NUBP2: variants seen among roughly 807,000 people sequenced by gnomAD.
The protein encoded by NUBP2 is NUBP iron-sulfur cluster assembly factor 2, cytosolic.
Under a neutral mutation model 24.9 loss-of-function variants are expected in NUBP2, and 23 were observed. That is an observed-to-expected ratio of 0.92 (90% CI 0.66 to 1.31). The LOEUF (loss-of-function observed/expected upper bound fraction) is 1.31. Ranked by LOEUF, NUBP2 falls within the 50% of genes most tolerant of loss-of-function variation. NUBP2 has a pLI of 0.00. For missense variants in NUBP2, 403 were observed against 386.5 expected, an observed-to-expected ratio of 1.04 and a Z score of -0.36; for synonymous variants, 186 against 170.9, an observed-to-expected ratio of 1.09 and a Z score of -0.69.
chr16:1,785,225 C>T (rs150996255), intron 1 of NUBP2: 16 of 1,012,392 alleles, frequency 1.6e-5, no homozygotes, highest in South Asian at 7.9e-5. Flanking sequence ...CTGCCCCACC[C>T]GGCAGGCTCA....
In NUBP2 at chr16:1,788,380, GC is replaced by G. The variant is rs528534975; in HGVS notation, c.670+176del. Among the ~76,000 whole-genome samples, 379 of 152,282 alleles carry G rather than the reference GC, an allele frequency of 2.5e-3. 7 individuals carry two copies. Among genetic ancestry groups the G allele is most frequent in the Non-Finnish European group, 5.6e-4 (38 of 68,006 alleles). On this transcript the variant is annotated intron_variant, in intron 6 of 6. Coordinates refer to ENST00000262302, the MANE Select transcript of NUBP2 (RefSeq NM_012225.4). Reference sequence around the variant, plus strand: ...TGAGACCTGCAGGTCATTCGCCCGCGCCCTTCTCAGGGCCCTCTCGGGTGGC... The same window carrying G: ...TGAGACCTGCAGGTCATTCGCCCGCGCCTTCTCAGGGCCCTCTCGGGTGGC...
At position 1,786,642 on chromosome 16, in the gene NUBP2, A is replaced by T; in HGVS notation, c.122A>T (p.His41Leu). Reference protein sequence around the residue: ...ISTELALALRHAGKKVGILDV... With the variant: ...ISTELALALRLAGKKVGILDV... ...ACGGAGCTGGCCCTGGCACTGCGCC[A>T]TGCAGGCAAGAAGGTGAGCGCCCTA... Residue 41 changes from histidine (H) to leucine (L), a missense_variant, in exon 2 of 7, where the codon CAT (histidine) becomes CTT (leucine). Physicochemically the swap from His to Leu is moderately conservative, Grantham distance 99. Transcript: ENST00000262302. 1 of 1,612,776 alleles carries T rather than the reference A, an allele frequency of 6.2e-7. No individual in the cohort carries two copies. Among genetic ancestry groups the T allele is most frequent in the South Asian group, 1.1e-5 (1 of 91,090 alleles).
chr16:1,788,796 T>G lies in NUBP2; in HGVS notation c.*82T>G. 1.4e-6 allele frequency: 2 copies of G among 1,473,120 alleles called. No individual in the cohort carries two copies. The highest frequency in any genetic ancestry group is 1.8e-6 in the Non-Finnish European group (2 of 1,107,388). The allele number at this position is 1,473,120 out of a possible 1,614,324, so 91.3% of individuals were successfully genotyped here. ...CAGAGAAACAGAGGCCTGGGCTCGG[T>G]TCCCGGGCCCTGCAGGGGCAGGCCC... On this transcript the variant is annotated 3_prime_UTR_variant, in exon 7 of 7. Coordinates refer to ENST00000262302, the MANE Select transcript of NUBP2 (RefSeq NM_012225.4).
chr16:1,783,815 TCCCGAGTAGCTGTGACTACAGGCG>T (rs2141997959), intron 1 of NUBP2: 1 of 172,384 alleles, frequency 5.8e-6, no homozygotes, highest in East Asian at 1.9e-4. Context: ...TGCCGCAGCC[TCCCGAGTAGCTGTGACTACAGGCG>T]CCCGCCACCA....
At chr16:1,783,643 C>G (rs1307670448) in intron 1 of NUBP2, 3 of 309,150 alleles carry the variant, frequency 9.7e-6, no homozygotes, top group East Asian at 1.7e-4. Context: ...GAAAACATTC[C>G]TCGGACAGCA....
rs777001626 is a variant in NUBP2 at position 1,788,681 on chromosome 16, G to A, written c.783G>A (p.Lys261=). 2 of 1,612,286 alleles carry A rather than the reference G, an allele frequency of 1.2e-6. No individual in the cohort carries two copies. Among genetic ancestry groups the A allele is most frequent in the Non-Finnish European group, 1.7e-6 (2 of 1,179,762 alleles). ...AFAALTSIAQ[K]ILDATPACLP ...CTGCACTCACCTCCATAGCCCAGAA[G>A]ATTCTGGACGCGACGCCCGCGTGCC... Residue 261 remains lysine (K), a synonymous_variant, in exon 7 of 7, where the codon AAG becomes AAA. Transcript: ENST00000262302.
chr16:1,785,218 C>T, intron 1 of NUBP2: 1 of 1,010,502 alleles, frequency 9.9e-7, no homozygotes, highest in Non-Finnish European at 1.2e-6. Flanking sequence ...AGCCCCACTG[C>T]CCCACCCGGC....
intron 3 of NUBP2, 121 bp from the exon 4 acceptor site, chr16:1,787,556 G>A: frequency 7.5e-7 from 1 of 1,324,676 alleles, no homozygotes; most frequent in African/African-American, 1.4e-5. Context: ...ATGGAGGCTG[G>A]TGGCAAGTGA....
chr16:1,783,320 C>T, intron 1 of NUBP2: 10 of 1,120,032 alleles, frequency 8.9e-6, no homozygotes, highest in Non-Finnish European at 1.1e-5. Context: ...TGTAGGCGGG[C>T]GCGGTGGCGC....
intron 6 of NUBP2, 70 bp from the exon 7 acceptor site, chr16:1,788,499 C>A: frequency 6.7e-7 from 1 of 1,493,958 alleles, no homozygotes; most frequent in Non-Finnish European, 8.9e-7. Flanking sequence ...GGTTCGGGTG[C>A]GTCCAGCTGA....
chr16:1,786,298 C>T (rs1304723040), intron 1 of NUBP2: 5 of 544,442 alleles, frequency 9.2e-6, no homozygotes, highest in South Asian at 2.5e-5. Context: ...TCAGCAGCGC[C>T]GCCTCAGGCA....
At chr16:1,787,374 T>C (rs1042571740) in intron 3 of NUBP2, 35 of 475,426 alleles carry the variant, frequency 7.4e-5, no homozygotes, top group African/African-American at 6.2e-4. Context: ...GGTGCTCCCA[T>C]GTGTGGGTAC....
Position 1,788,869 on chromosome 16 carries a change from ATG to A in NUBP2, c.*159_*160del. 1.0e-6 allele frequency: 1 copy of A among 977,630 alleles called. No individual in the cohort carries two copies. The highest frequency in any genetic ancestry group is 1.4e-6 in the Non-Finnish European group (1 of 690,456). 60.6% of individuals were successfully genotyped at this position (977,630 alleles called of 1,614,324 possible). A position where few individuals can be genotyped will look rare whatever the true frequency, so the allele number is the denominator to read the frequency against. Reference sequence around the variant, plus strand: ...TCTCCCCGACCAGCCCAGCCCCAGGATGTGTCGCACCAGCAGCTCTGCCTGGT... The same window carrying A: ...TCTCCCCGACCAGCCCAGCCCCAGGATGTCGCACCAGCAGCTCTGCCTGGT... On this transcript the variant is annotated 3_prime_UTR_variant, in exon 7 of 7. Transcript: ENST00000262302.
rs1897136840 is a variant in NUBP2, at chr16:1,789,072, C to T, written c.*358C>T. ...CCCGGGCCTCCAGCACCCTGGGTCG[C>T]TGTCATCTGTGTTTAGCTCGGGGAG... is the stretch of plus-strand genomic sequence containing the variant. On this transcript the variant is annotated 3_prime_UTR_variant, in exon 7 of 7. Coordinates refer to ENST00000262302, the MANE Select transcript of NUBP2 (RefSeq NM_012225.4). 4.4e-6 allele frequency: 1 copy of T among 226,120 alleles called. No individual in the cohort carries two copies. The highest frequency in any genetic ancestry group is 8.6e-6 in the Non-Finnish European group (1 of 115,942). The allele number at this position is 226,120 out of a possible 1,614,324, so 14.0% of individuals were successfully genotyped here.
chr16:1,788,171 G>T lies in NUBP2; in HGVS notation c.634G>T (p.Glu212Ter). 1 of 1,533,110 alleles carries T rather than the reference G, an allele frequency of 6.5e-7. No homozygotes were observed. 95.0% of individuals were successfully genotyped at this position (1,533,110 alleles called of 1,614,324 possible). Reference protein sequence around the residue: ...CTSVFSRGGGEELAQLAGVPF... With the variant: ...CTSVFSRGGG ...CAGCGTCTTCTCCAGGGGCGGCGGA[G>T]AGGAGCTGGCCCAGCTCGCCGGGGT... The change falls in exon 6 of 7, where the codon GAG (glutamate) becomes TAG (stop). Residue 212 changes from glutamate to a stop codon, truncating the protein, a stop_gained. Transcript: ENST00000262302. LOFTEE classifies it low-confidence loss of function (END_TRUNC).
intron 1 of NUBP2, 141 bp downstream of exon 1, chr16:1,783,177 C>T: frequency 8.5e-7 from 1 of 1,181,754 alleles, no homozygotes; most frequent in Non-Finnish European, 1.0e-6. Flanking sequence ...GGCCAGAGGC[C>T]GCGGCGCGGG....
intron 3 of NUBP2, chr16:1,787,418 T>C (rs375394582): frequency 5.4e-6 from 3 of 553,524 alleles, no homozygotes; most frequent in East Asian, 6.0e-5. Flanking sequence ...CGTGTTCTGA[T>C]TTGGGGCCTC....
chr16:1,785,174 G>A (rs1401465638), intron 1 of NUBP2: 3 of 998,818 alleles, frequency 3.0e-6, no homozygotes, highest in Non-Finnish European at 3.6e-6. Context: ...GCCTTCCTCG[G>A]GGAGATGGTG....
In NUBP2 at chr16:1,788,207, G is replaced by A. The variant is rs751741814; in HGVS notation, c.670G>A (p.Gly224Ser). 5 of 1,485,070 alleles carry A rather than the reference G, an allele frequency of 3.4e-6. No individual in the cohort carries two copies. In the African/African-American group the frequency reaches 5.7e-5, roughly 17 times the overall value. The allele number at this position is 1,485,070 out of a possible 1,614,324, so 92.0% of individuals were successfully genotyped here. ...CCAGCTCGCCGGGGTGCCCTTCTTA[G>A]GTGAGTGTCCCAAGCTGGTGCTGGG... ...LAQLAGVPFLGSVPLDPALMR... is the reference protein window; with the variant it reads ...LAQLAGVPFLSSVPLDPALMR... Residue 224 changes from glycine (G) to serine (S), a missense_variant and splice_region_variant, in exon 6 of 7, where the codon GGC becomes AGC. Physicochemically the swap from Gly to Ser is moderately conservative, Grantham distance 56. Transcript: ENST00000262302.
Sources: allele counts gnomAD v4.1 joint callset (sites outside exome capture counted in the v4.1 genomes callset), GRCh38; gene constraint gnomAD v4.1.1; transcripts MANE v1.5; gene names NCBI Gene and HGNC (gene_info 2026-07-23, HGNC 2026-07-21).